The following SIPA1L2 variants were observed in gnomAD, a reference collection of about 807,000 sequenced individuals.
The protein encoded by SIPA1L2 is signal-induced proliferation-associated 1-like protein 2.
A neutral mutation model predicts 163.9 loss-of-function variants in SIPA1L2; 56 were observed. The ratio of observed to expected loss-of-function variants is 0.34; its 90% confidence interval spans 0.28 to 0.43. The LOEUF is 0.43. Among genes scored for constraint, SIPA1L2 ranks in the 20% least tolerant of loss-of-function variants. The probability of loss-of-function intolerance (pLI) is 1.00; values close to 1 mark genes in which losing one functional copy is unlikely to be tolerated. For missense variants in SIPA1L2, 1,974 were observed against 2,193.5 expected (o/e 0.90, Z 2.00); for synonymous variants, 877 against 865.7 (o/e 1.01, Z -0.23).
chr1:232,411,238 G>C (rs939117871), intron 19 of SIPA1L2, among the ~76,000 whole-genome samples: 5 of 152,182 alleles, frequency 3.3e-5, no homozygotes, highest in Non-Finnish European at 7.3e-5. Context: ...CAGATTTTAT[G>C]GTTCAGGCTG....
intron 2 of SIPA1L2, among the ~76,000 whole-genome samples, chr1:232,549,631 G>A (rs1455095374): frequency 6.6e-6 from 1 of 152,158 alleles, no homozygotes; most frequent in Non-Finnish European, 1.5e-5. Flanking sequence ...TTGTAAATAA[G>A]TGAGGCAGGG....
intron 3 of SIPA1L2, among the ~76,000 whole-genome samples, chr1:232,508,036 C>T (rs761027896): frequency 1.3e-5 from 2 of 152,250 alleles, no homozygotes; most frequent in East Asian, 1.9e-4. Flanking sequence ...CATCATATGA[C>T]ATTTATATAC....
chr1:232,431,689 C>T (rs763640193), intron 16 of SIPA1L2, among the ~76,000 whole-genome samples: 4 of 151,018 alleles, frequency 2.6e-5, no homozygotes, highest in Non-Finnish European at 5.9e-5. Context: ...TGTCTCTTCA[C>T]AGAGGCATCA....
intron 2 of SIPA1L2, among the ~76,000 whole-genome samples, chr1:232,525,029 T>G (rs1007370887): frequency 1.2e-4 from 19 of 152,276 alleles, no homozygotes; most frequent in Non-Finnish European, 2.6e-4. Context: ...CATATAATAT[T>G]CTTCCTTGTA....
chr1:232,428,701 G>T, intron 16 of SIPA1L2, 137 bp from the exon 17 acceptor site: 1 of 514,332 alleles, frequency 1.9e-6, no homozygotes. Flanking sequence ...GTTCACTTTT[G>T]CTGCGTTTGC....
chr1:232,590,210 T>C (rs1291058476), intron 1 of SIPA1L2, among the ~76,000 whole-genome samples: 1 of 152,080 alleles, frequency 6.6e-6, no homozygotes, highest in Non-Finnish European at 1.5e-5. Context: ...GTCTCTCACC[T>C]CCACCTCCAG....
chr1:232,543,797 G>C (rs1364998073), intron 2 of SIPA1L2, among the ~76,000 whole-genome samples: 1 of 152,150 alleles, frequency 6.6e-6, no homozygotes, highest in Admixed American at 6.5e-5. Context: ...GAGCCCAGGA[G>C]TTTGAGGCTA....
chr1:232,448,543 C>T (rs1427847404), intron 10 of SIPA1L2, among the ~76,000 whole-genome samples: 1 of 152,192 alleles, frequency 6.6e-6, no homozygotes, highest in Non-Finnish European at 1.5e-5. Flanking sequence ...ACAGAAACAA[C>T]CTCAACTGCC....
chr1:232,616,692 A>G (rs766202361), intron 1 of SIPA1L2, among the ~76,000 whole-genome samples: 26 of 152,242 alleles, frequency 1.7e-4, no homozygotes, highest in Non-Finnish European at 3.1e-4. Flanking sequence ...TGTCTCTTAG[A>G]GCAGGCAGAG....
chr1:232,439,048 C>G (rs999801952), intron 15 of SIPA1L2, 60 bp downstream of exon 15: 2 of 1,516,322 alleles, frequency 1.3e-6, no homozygotes, highest in South Asian at 1.3e-5. Flanking sequence ...CTGCCCTATC[C>G]CAGCAGGCAG....
In SIPA1L2 at chr1:232,425,655, T is replaced by C; in HGVS notation, c.4564A>G (p.Thr1522Ala). The C allele has an allele frequency of 6.2e-7, 1 of 1,612,754 alleles. No individual in the cohort carries two copies. The highest frequency in any genetic ancestry group is 8.5e-7 in the Non-Finnish European group (1 of 1,179,658). ...ALPNDILFSTTPPYHSTLPPR... is the reference protein window; with the variant it reads ...ALPNDILFSTAPPYHSTLPPR... ...GGCAGCGTGCTGTGGTAGGGTGGGG[T>C]GGTGCTGAACAGAATGTCGTTGGGC... is the stretch of plus-strand genomic sequence containing the variant. Residue 1522 changes from threonine (T) to alanine (A), a missense_variant, in exon 18 of 23, where the codon ACC becomes GCC. Around this residue, in one of 3 missense-constraint regions of SIPA1L2, gnomAD observed 1,079 missense variants for 1,150.7 expected, o/e 0.94. Coordinates refer to ENST00000674635, the MANE Select transcript of SIPA1L2 (RefSeq NM_020808.5).
intron 2 of SIPA1L2, among the ~76,000 whole-genome samples, chr1:232,516,074 A>C (rs1203574547): frequency 6.6e-6 from 1 of 152,252 alleles, no homozygotes; most frequent in East Asian, 1.9e-4. Flanking sequence ...TGGCTACAAG[A>C]GCAGCACAAG....
At chr1:232,598,963 C>CAAAAA (rs3028130) in intron 1 of SIPA1L2, among the ~76,000 whole-genome samples, 5 of 123,524 alleles carry the variant, frequency 4.0e-5, no homozygotes, top group African/African-American at 3.4e-5. Context: ...CTCTACCCCT[C>CAAAAA]AAAAAAAAAA....
chr1:232,408,868 A>G (rs1397663421), intron 19 of SIPA1L2, among the ~76,000 whole-genome samples: 1 of 152,106 alleles, frequency 6.6e-6, no homozygotes, highest in African/African-American at 2.4e-5. Context: ...AAATATTTAA[A>G]TACCTTTATC....
chr1:232,450,804 C>T (rs1663531573), intron 10 of SIPA1L2, among the ~76,000 whole-genome samples: 1 of 152,104 alleles, frequency 6.6e-6, no homozygotes, highest in South Asian at 2.1e-4. Flanking sequence ...TATAATTTAG[C>T]TTGAGGCTTG....
At chr1:232,627,352 C>G (rs1337486117) in intron 1 of SIPA1L2, among the ~76,000 whole-genome samples, 1 of 152,194 alleles carries the variant, frequency 6.6e-6, no homozygotes, top group East Asian at 1.9e-4. Flanking sequence ...TACCAAACAA[C>G]TGGTTTTTCA....
intron 15 of SIPA1L2, among the ~76,000 whole-genome samples, chr1:232,433,847 G>A (rs1272118377): frequency 9.9e-5 from 15 of 152,144 alleles, no homozygotes; most frequent in Admixed American, 7.9e-4. Context: ...CGAGGATTCC[G>A]GGTCTCAACA....
intron 1 of SIPA1L2, among the ~76,000 whole-genome samples, chr1:232,607,996 G>A (rs1208595999): frequency 2.1e-5 from 3 of 145,276 alleles, no homozygotes; most frequent in East Asian, 2.0e-4. Context: ...CGGAGGTTGC[G>A]GTGAGCCGAG....
chr1:232,501,836 T>C (rs977365005), intron 3 of SIPA1L2, among the ~76,000 whole-genome samples: 3 of 152,166 alleles, frequency 2.0e-5, no homozygotes, highest in Non-Finnish European at 4.4e-5. Flanking sequence ...TGACCACCCA[T>C]GATGGGGGAC....
Sources: allele counts gnomAD v4.1 joint callset (sites outside exome capture counted in the v4.1 genomes callset), GRCh38; gene constraint gnomAD v4.1.1; regional missense constraint gnomAD v4.1.1; transcripts MANE v1.5; gene names NCBI Gene and HGNC (gene_info 2026-07-23, HGNC 2026-07-21).